LRBA: variants seen among roughly 807,000 people sequenced by gnomAD.
LRBA encodes the protein lipopolysaccharide-responsive and beige-like anchor protein.
Under a neutral mutation model 330.0 loss-of-function variants are expected in LRBA, and 176 were observed. That is an observed-to-expected ratio of 0.53 (90% CI 0.47 to 0.60). LRBA has a LOEUF of 0.60. Ranked by LOEUF, LRBA falls within the 20% of genes least tolerant of loss-of-function variation. The pLI is 0.00. For missense variants in LRBA, 3,259 were observed against 3,444.8 expected (o/e 0.95, Z 1.35); for synonymous variants, 1,230 against 1,193.0 (o/e 1.03, Z -0.64).
intron 43 of LRBA, among the ~76,000 whole-genome samples, chr4:150,468,546 T>C (rs911602781): frequency 2.0e-5 from 3 of 152,042 alleles, no homozygotes; most frequent in African/African-American, 7.2e-5. Context: ...GGAGGTAGCA[T>C]AGTGGGTGAG....
In LRBA at chr4:150,719,270, C is replaced by T. The variant is rs192921026; in HGVS notation, c.5754+15988G>A. ...AATTCCACGTTTACTCCATCATTCTCTCTCATTCACACACAAAAGAACACA... is the reference window on the plus strand; with the variant it reads ...AATTCCACGTTTACTCCATCATTCTTTCTCATTCACACACAAAAGAACACA... On this transcript the variant is annotated intron_variant, in intron 36 of 56. Transcript: ENST00000651943. Among the ~76,000 whole-genome samples the T allele has an allele frequency of 5.1e-4, 78 of 152,096 alleles. 1 individual carries two copies. Among genetic ancestry groups the T allele is most frequent in the Non-Finnish European group, 6.2e-4 (42 of 67,932 alleles).
At chr4:150,653,352 T>C (rs999794159) in intron 37 of LRBA, among the ~76,000 whole-genome samples, 6 of 152,228 alleles carry the variant, frequency 3.9e-5, no homozygotes, top group African/African-American at 1.4e-4. Flanking sequence ...TATGAACACA[T>C]GGATTTAAAC....
In LRBA at chr4:150,804,394, C is replaced by T. The variant is rs987392956; in HGVS notation, c.5518+1877G>A. 2.0e-5 allele frequency among the ~76,000 whole-genome samples: 3 copies of T among 152,146 alleles called. No homozygotes were observed. In the South Asian group the frequency reaches 6.2e-4, roughly 32 times the overall value. Reference sequence around the variant, plus strand: ...ATTCCTAACTAAAGCTTCATATGTACCTACTGATATTGTAAGGGTCAAACG... The same window carrying T: ...ATTCCTAACTAAAGCTTCATATGTATCTACTGATATTGTAAGGGTCAAACG... On this transcript the variant is annotated intron_variant, in intron 33 of 56. Coordinates refer to ENST00000651943, the MANE Select transcript of LRBA (RefSeq NM_001364905.1).
intron 50 of LRBA, among the ~76,000 whole-genome samples, chr4:150,319,168 GGTTGAGCCAGCTCAGTTCCC>G (rs1230653712): frequency 6.6e-6 from 1 of 152,134 alleles, no homozygotes; most frequent in Non-Finnish European, 1.5e-5. Context: ...GGAGCCCTGT[GGTTGAGCCAGCTCAGTTCCC>G]GTTGAGCCAG....
chr4:150,721,403 C>A, intron 36 of LRBA: 4 of 296,034 alleles, frequency 1.4e-5, no homozygotes, highest in South Asian at 8.0e-5. Context: ...GAACCGAAGT[C>A]AAAGTTATAA....
intron 2 of LRBA, among the ~76,000 whole-genome samples, chr4:150,997,640 T>C (rs1279207339): frequency 6.6e-6 from 1 of 152,076 alleles, no homozygotes; most frequent in Non-Finnish European, 1.5e-5. Context: ...TTTAAGTGTG[T>C]AGCGGTTGGG....
At chr4:150,812,478 G>T (rs1046854506) in intron 31 of LRBA, among the ~76,000 whole-genome samples, 1 of 152,144 alleles carries the variant, frequency 6.6e-6, no homozygotes, top group Non-Finnish European at 1.5e-5. Flanking sequence ...TAAAACAAAT[G>T]CCAATTTTTA....
At chr4:150,506,583 T>A (rs1310469976) in intron 40 of LRBA, among the ~76,000 whole-genome samples, 2 of 152,130 alleles carry the variant, frequency 1.3e-5, no homozygotes, top group Admixed American at 6.5e-5. Context: ...TATCTCAAAA[T>A]AATAAGAGCT....
chr4:151,007,583 C>T (rs1162873295), intron 2 of LRBA, among the ~76,000 whole-genome samples: 4 of 150,748 alleles, frequency 2.7e-5, no homozygotes, highest in South Asian at 2.1e-4. Flanking sequence ...GTAGGCCGGG[C>T]GCGGTGTCTC....
intron 40 of LRBA, among the ~76,000 whole-genome samples, chr4:150,534,308 C>T (rs1216751969): frequency 6.7e-6 from 1 of 148,366 alleles, no homozygotes; most frequent in African/African-American, 2.5e-5. Flanking sequence ...AACTAACCTG[C>T]ACATTGTGCA....
At chr4:150,587,626 A>C (rs1392134891) in intron 40 of LRBA, among the ~76,000 whole-genome samples, 1 of 152,234 alleles carries the variant, frequency 6.6e-6, no homozygotes, top group Non-Finnish European at 1.5e-5. Flanking sequence ...CATGCACGAC[A>C]GAGTAGTAAG....
chr4:150,302,966 CA>C (rs1408763223), intron 52 of LRBA, among the ~76,000 whole-genome samples, 174 bp from the exon 53 acceptor site: 1 of 151,874 alleles, frequency 6.6e-6, no homozygotes, highest in Non-Finnish European at 1.5e-5. Flanking sequence ...ACAAGAACAA[CA>C]AAAAAACAAT....
intron 40 of LRBA, among the ~76,000 whole-genome samples, chr4:150,569,118 A>G (rs1186655821): frequency 6.6e-6 from 1 of 152,094 alleles, no homozygotes; most frequent in Non-Finnish European, 1.5e-5. Context: ...CCACACAGTA[A>G]ATGTTTCATA....
chr4:150,267,050 G>A (rs1745441972), intron 56 of LRBA, among the ~76,000 whole-genome samples: 1 of 151,910 alleles, frequency 6.6e-6, no homozygotes, highest in African/African-American at 2.4e-5. Context: ...GATACAAAGA[G>A]CAAATATTAA....
At chr4:150,791,410 T>C (rs976377705) in intron 34 of LRBA, among the ~76,000 whole-genome samples, 1 of 152,260 alleles carries the variant, frequency 6.6e-6, no homozygotes, top group African/African-American at 2.4e-5. Flanking sequence ...TTACAATTAT[T>C]TGTCTCGCTC....
At chr4:150,906,955 T>C (rs760559138) in intron 11 of LRBA, among the ~76,000 whole-genome samples, 13 of 151,784 alleles carry the variant, frequency 8.6e-5, no homozygotes, top group Non-Finnish European at 1.6e-4. Context: ...TGAACACTAA[T>C]TTAAGAAGTT....
intron 2 of LRBA, among the ~76,000 whole-genome samples, chr4:150,936,554 A>C (rs1735096317): frequency 6.6e-6 from 1 of 152,046 alleles, no homozygotes; most frequent in South Asian, 2.1e-4. Flanking sequence ...AAAAAAACAA[A>C]AATCTCTAAG....
chr4:150,466,774 C>T (rs977441653), intron 44 of LRBA, among the ~76,000 whole-genome samples: 1 of 151,992 alleles, frequency 6.6e-6, no homozygotes, highest in African/African-American at 2.4e-5. Flanking sequence ...TGTACTCAGA[C>T]ATTAAAGGAA....
chr4:150,289,694 CTTTA>C (rs1748603595), intron 53 of LRBA, among the ~76,000 whole-genome samples: 1 of 152,250 alleles, frequency 6.6e-6, no homozygotes, highest in South Asian at 2.1e-4. Context: ...ATTGTATTCC[CTTTA>C]TTATCTGCTG....
Sources: gnomAD v4.1 joint callset for allele counts (sites outside exome capture counted in the v4.1 genomes callset) on GRCh38, gnomAD v4.1.1 for gene constraint, MANE v1.5 for transcripts, NCBI Gene and HGNC (gene_info 2026-07-23, HGNC 2026-07-21) for gene names.